Variants in C1RL observed in about 807,000 individuals in gnomAD.
C1RL encodes the protein complement C1r subcomponent-like protein.
A neutral mutation model predicts 27.9 loss-of-function variants in C1RL; 27 were observed. The ratio of observed to expected loss-of-function variants is 0.97; its 90% CI spans 0.71 to 1.33. C1RL has a LOEUF of 1.33. C1RL is among the 40% of genes most tolerant of loss of function. The probability of loss-of-function intolerance (pLI) is 0.00; values close to 1 mark genes in which losing one functional copy is unlikely to be tolerated. For synonymous variants in C1RL, 248 were observed against 252.1 expected (o/e 0.98, Z 0.15); for missense variants, 563 against 623.9 (o/e 0.90, Z 1.04).
At position 7,108,481 on chromosome 12, in the gene C1RL, T is replaced by TGCTTGGGGTG; in HGVS notation, c.72-3_72-2insCACCCCAAGC. ...ACTCCCCAGAGAAGCAGCCACCACCTGTGAGTTGGGGGGAGGGCAAGGTGG... is the reference window on the plus strand; with the variant it reads ...ACTCCCCAGAGAAGCAGCCACCACCTGCTTGGGGTGGTGAGTTGGGGGGAGGGCAAGGTGG... On this transcript the variant is annotated splice_region_variant and splice_polypyrimidine_tract_variant and intron_variant, in intron 1 of 5. Transcript: ENST00000266542. 6.3e-7 allele frequency: 1 copy of TGCTTGGGGTG among 1,581,960 alleles called. No individual in the cohort carries two copies. The highest frequency in any genetic ancestry group is 8.6e-7 in the Non-Finnish European group (1 of 1,160,408).
intron 3 of C1RL, among the ~76,000 whole-genome samples, chr12:7,100,531 C>T (rs947442482): frequency 2.6e-5 from 4 of 152,140 alleles, no homozygotes; most frequent in African/African-American, 7.2e-5. Context: ...CGGTGGCTCA[C>T]GGCTGTAATC....
chr12:7,095,450 G>A lies in C1RL; in HGVS notation c.*941C>T. On this transcript the variant is annotated 3_prime_UTR_variant, in exon 6 of 6. Coordinates refer to ENST00000266542, the MANE Select transcript of C1RL (RefSeq NM_016546.4). ...GGTTTTACTAAAAATTAAAGAGTTG[G>A]TCCTCTCAGGTGGAGCAGTTCCCCT... is the stretch of plus-strand genomic sequence containing the variant. 1 of 996,434 alleles carries A rather than the reference G, an allele frequency of 1.0e-6. No homozygotes were observed. Among genetic ancestry groups the A allele is most frequent in the Non-Finnish European group, 1.2e-6 (1 of 836,082 alleles). The allele number at this position is 996,434 out of a possible 1,614,324, so 61.7% of individuals were successfully genotyped here.
Position 7,099,975 on chromosome 12 carries a change from A to G in C1RL, c.542T>C (p.Ile181Thr). ...GGCAGGGTTGTCTCCAGGTGCGTTG[A>G]TGGCCTCAGAGCCCCTGCTGGCCTC... The part of the protein sequence containing the change: ...ISEASRGSEA[I>T]NAPGDNPAKV... Residue 181 changes from isoleucine to threonine, a missense_variant, in exon 4 of 6, where the codon ATC becomes ACC. Ile to Thr is a moderately conservative substitution (Grantham distance 89). Transcript: ENST00000266542. The G allele has an allele frequency of 6.2e-7, 1 of 1,613,936 alleles. No individual in the cohort carries two copies.
At chr12:7,108,990 G>GTGTGTGTGT in intron 1 of C1RL, 120 bp downstream of exon 1, 3 of 87,200 alleles carry the variant, frequency 3.4e-5, no homozygotes, top group Non-Finnish European at 1.9e-5. Flanking sequence ...TGTGTGTGTG[G>GTGTGTGTGT]GGGGGGGGGG....
At chr12:7,098,050 G>C (rs1938504926) in intron 5 of C1RL, among the ~76,000 whole-genome samples, 2 of 152,034 alleles carry the variant, frequency 1.3e-5, no homozygotes, top group Non-Finnish European at 2.9e-5. Context: ...GGCGGATCAC[G>C]AGGTCAGGAG....
chr12:7,103,923 T>G (rs1938693370), intron 2 of C1RL, among the ~76,000 whole-genome samples: 1 of 152,240 alleles, frequency 6.6e-6, no homozygotes, highest in East Asian at 1.9e-4. Flanking sequence ...AGTATCATCC[T>G]GACTGGTTAA....
rs1258351104 is a variant in C1RL, at chr12:7,096,439, CACCTTGG to C, written c.1409_1415del (p.Thr470SerfsTer11). The stretch of plus-strand genomic sequence containing the variant: ...CCTTGATCCAGTCCACATAGCTGAG[CACCTTGG>C]TGTAGAAGTCATACCCTTCGCCACA... On this transcript the variant is annotated frameshift_variant, in exon 6 of 6. Transcript: ENST00000266542. LOFTEE classifies it high-confidence loss of function. 1 of 1,613,832 alleles carries C rather than the reference CACCTTGG, an allele frequency of 6.2e-7. No individual in the cohort carries two copies. Among genetic ancestry groups the C allele is most frequent in the Admixed American group, 1.7e-5 (1 of 59,990 alleles).
chr12:7,097,631 G>A (rs1273468815), intron 5 of C1RL, among the ~76,000 whole-genome samples: 1 of 152,144 alleles, frequency 6.6e-6, no homozygotes, highest in Non-Finnish European at 1.5e-5. Context: ...GACCATGTGG[G>A]CAGACAAGGA....
intron 2 of C1RL, among the ~76,000 whole-genome samples, chr12:7,105,135 T>C (rs1359955738): frequency 3.3e-5 from 5 of 152,174 alleles, no homozygotes; most frequent in Non-Finnish European, 7.3e-5. Flanking sequence ...TAAAATGCTT[T>C]TACATCCTGA....
At chr12:7,099,580 T>C (rs1938551359) in intron 5 of C1RL, 106 bp downstream of exon 5, 12 of 1,477,888 alleles carry the variant, frequency 8.1e-6, no homozygotes, top group Non-Finnish European at 1.1e-5. Flanking sequence ...CTTCTGCTTC[T>C]TATCTTCCTT....
chr12:7,095,950 G>T lies in C1RL; in HGVS notation c.*441C>A. On this transcript the variant is annotated 3_prime_UTR_variant, in exon 6 of 6. Transcript: ENST00000266542. The stretch of plus-strand genomic sequence containing the variant: ...CTTGAATATTTGAAGGTCAACTAAA[G>T]GGTCTTAGGAATGTTTCAGAAATGC... The T allele has an allele frequency of 1.4e-5, 14 of 990,874 alleles. No homozygotes were observed. The highest frequency in any genetic ancestry group is 1.6e-5 in the Non-Finnish European group (13 of 834,044). 61.4% of individuals were successfully genotyped at this position (990,874 alleles called of 1,614,324 possible). A position where few individuals can be genotyped will look rare whatever the true frequency, so the allele number is the denominator to read the frequency against.
chr12:7,100,712 A>C (rs1271154940), intron 3 of C1RL, among the ~76,000 whole-genome samples: 1 of 152,114 alleles, frequency 6.6e-6, no homozygotes, highest in Non-Finnish European at 1.5e-5. Context: ...GCTTGAACCC[A>C]GGAGGCAGAG....
At chr12:7,103,440 T>C (rs1938679663) in intron 2 of C1RL, among the ~76,000 whole-genome samples, 1 of 152,234 alleles carries the variant, frequency 6.6e-6, no homozygotes, top group Non-Finnish European at 1.5e-5. Flanking sequence ...TAATGGTCTG[T>C]GTGGCCTCTT....
At chr12:7,101,705 A>G in intron 3 of C1RL, 193 bp downstream of exon 3, 1 of 590,334 alleles carries the variant, frequency 1.7e-6, no homozygotes, top group South Asian at 2.1e-5. Context: ...CATGGAAACA[A>G]CCGCTGGGGG....
At chr12:7,108,705 G>A (rs1270330622) in intron 1 of C1RL, 1 of 569,434 alleles carries the variant, frequency 1.8e-6, no homozygotes, top group Admixed American at 3.3e-5. Flanking sequence ...AGGATTGTGG[G>A]TTTTCCATCC....
intron 2 of C1RL, among the ~76,000 whole-genome samples, chr12:7,102,649 C>T (rs1240479276): frequency 6.6e-6 from 1 of 152,198 alleles, no homozygotes; most frequent in Non-Finnish European, 1.5e-5. Context: ...GGGTCCCTGC[C>T]TTTTCCTGCT....
chr12:7,101,851 G>A, intron 3 of C1RL, 47 bp downstream of exon 3: 1 of 1,582,854 alleles, frequency 6.3e-7, no homozygotes, highest in Admixed American at 1.7e-5. Context: ...CAGGGTCATG[G>A]CTGGGAACAG....
chr12:7,107,435 G>T (rs1938798591), intron 2 of C1RL, among the ~76,000 whole-genome samples: 1 of 151,992 alleles, frequency 6.6e-6, no homozygotes, highest in Non-Finnish European at 1.5e-5. Flanking sequence ...CTCCCAAAGT[G>T]CTGGGACTAC....
chr12:7,101,852 C>T, intron 3 of C1RL, 46 bp downstream of exon 3: 2 of 1,587,138 alleles, frequency 1.3e-6, no homozygotes, highest in African/African-American at 1.3e-5. Context: ...AGGGTCATGG[C>T]TGGGAACAGA....
Sources: gnomAD v4.1 joint callset for allele counts (sites outside exome capture counted in the v4.1 genomes callset) on GRCh38, gnomAD v4.1.1 for gene constraint, MANE v1.5 for transcripts, NCBI Gene and HGNC (gene_info 2026-07-23, HGNC 2026-07-21) for gene names.